The following FSTL5 variants were observed in gnomAD, a reference collection of about 807,000 sequenced individuals.
The protein encoded by FSTL5 is follistatin like 5, also known as follistatin-related protein 5.
Under a neutral mutation model 89.1 loss-of-function variants are expected in FSTL5, and 62 were observed. That is an observed-to-expected ratio of 0.70 (90% CI 0.57 to 0.86). The LOEUF is 0.86. Among genes scored for constraint, FSTL5 ranks in the 40% least tolerant of loss-of-function variants. FSTL5 has a pLI of 0.00. For synonymous variants in FSTL5, 383 were observed against 346.2 expected (o/e 1.11, Z -1.18); for missense variants, 1,057 against 1,001.6 (o/e 1.06, Z -0.75).
At chr4:161,918,433 T>A (rs1489583699) in intron 4 of FSTL5, among the ~76,000 whole-genome samples, 1 of 152,060 alleles carries the variant, frequency 6.6e-6, no homozygotes, top group Admixed American at 6.5e-5. Flanking sequence ...AGAAAGTATT[T>A]TTAAGTAACA....
At chr4:161,710,533 A>G (rs1405647330) in intron 6 of FSTL5, among the ~76,000 whole-genome samples, 1 of 151,998 alleles carries the variant, frequency 6.6e-6, no homozygotes, top group African/African-American at 2.4e-5. Context: ...TTTTTGTTGT[A>G]TTATCTGCAT....
intron 1 of FSTL5, among the ~76,000 whole-genome samples, chr4:162,111,825 G>A (rs554959012): frequency 3.3e-5 from 5 of 152,104 alleles, no homozygotes; most frequent in African/African-American, 7.2e-5. Flanking sequence ...TAGACTTACC[G>A]TTATTATAAT....
intron 7 of FSTL5, among the ~76,000 whole-genome samples, chr4:161,651,613 A>G (rs986420353): frequency 6.6e-6 from 1 of 152,208 alleles, no homozygotes; most frequent in Non-Finnish European, 1.5e-5. Context: ...TGTGCCTCAT[A>G]CAGTGTTAAC....
At chr4:161,724,993 G>A (rs1014184602) in intron 6 of FSTL5, among the ~76,000 whole-genome samples, 8 of 152,012 alleles carry the variant, frequency 5.3e-5, no homozygotes, top group African/African-American at 7.2e-5. Context: ...TTAAGAGATC[G>A]AGGCCAGCCT....
intron 12 of FSTL5, among the ~76,000 whole-genome samples, chr4:161,484,558 G>A (rs1729615765): frequency 6.6e-6 from 1 of 152,088 alleles, no homozygotes; most frequent in Non-Finnish European, 1.5e-5. Flanking sequence ...AGACTTTTGA[G>A]CAAGCTTTCT....
intron 3 of FSTL5, among the ~76,000 whole-genome samples, chr4:161,930,186 C>G (rs79590383): frequency 6.6e-6 from 1 of 151,760 alleles, no homozygotes; most frequent in Non-Finnish European, 1.5e-5. Context: ...AGTGTCTGAT[C>G]TGCAGCTACA....
chr4:161,722,183 C>A (rs1560808997), intron 6 of FSTL5, among the ~76,000 whole-genome samples: 1 of 152,062 alleles, frequency 6.6e-6, no homozygotes, highest in Non-Finnish European at 1.5e-5. Flanking sequence ...TATTTTCATC[C>A]TCTCAATGAT....
chr4:161,833,899 G>T (rs578175224), intron 4 of FSTL5, among the ~76,000 whole-genome samples: 142 of 152,016 alleles, frequency 9.3e-4, no homozygotes, highest in African/African-American at 3.3e-3. Flanking sequence ...TTAATATTGT[G>T]ATGTGTGAAT....
chr4:161,456,429 C>T (rs1007042759), intron 14 of FSTL5, among the ~76,000 whole-genome samples: 4 of 151,990 alleles, frequency 2.6e-5, no homozygotes, highest in Admixed American at 6.6e-5. Flanking sequence ...ATTTTGCTTT[C>T]GTATTTGACG....
In FSTL5 at chr4:162,163,815, A is replaced by C. The variant is rs1161793666; in HGVS notation, c.-217T>G. 1 of 152,266 alleles carries C rather than the reference A, an allele frequency of 6.6e-6. No individual in the cohort carries two copies. The highest frequency in any genetic ancestry group is 1.5e-5 in the Non-Finnish European group (1 of 68,074). The allele number at this position is 152,266 out of a possible 1,614,324, so 9.4% of individuals were successfully genotyped here. A position where few individuals can be genotyped will look rare whatever the true frequency, so the allele number is the denominator to read the frequency against. On this transcript the variant is annotated 5_prime_UTR_variant, in exon 1 of 16. Transcript: ENST00000306100. ...AACAGAGGACTCTCTCCCACGTCCG[A>C]TACCACACTCCTTTGTCAAGTTGAT...
intron 15 of FSTL5, among the ~76,000 whole-genome samples, chr4:161,398,951 A>G (rs1731092069): frequency 6.6e-6 from 1 of 152,136 alleles, no homozygotes. Flanking sequence ...ATTTATGTAA[A>G]TGACAAATGA....
At chr4:161,894,720 C>T (rs1733100681) in intron 4 of FSTL5, among the ~76,000 whole-genome samples, 1 of 152,154 alleles carries the variant, frequency 6.6e-6, no homozygotes, top group South Asian at 2.1e-4. Context: ...CAGCCTTGGC[C>T]TCCCAAAGTG....
chr4:161,897,575 C>CAAA (rs35785865), intron 4 of FSTL5, among the ~76,000 whole-genome samples: 5 of 81,436 alleles, frequency 6.1e-5, no homozygotes, highest in African/African-American at 2.2e-4. Context: ...AACTCCGTCT[C>CAAA]AAAAAAAAAA....
chr4:161,572,343 A>AAGAG (rs529266724), intron 8 of FSTL5, among the ~76,000 whole-genome samples: 10 of 124,530 alleles, frequency 8.0e-5, no homozygotes, highest in South Asian at 5.4e-4. Context: ...AAAAAAAAAA[A>AAGAG]AGAGAGAGAG....
In FSTL5 at chr4:161,814,094, A is replaced by G. The variant is rs2126842823; in HGVS notation, c.410-38020T>C. Among the ~76,000 whole-genome samples the G allele has an allele frequency of 1.3e-5, 2 of 152,266 alleles. 1 individual carries two copies. The highest frequency in any genetic ancestry group is 4.2e-4 in the South Asian group (2 of 4,818). ...ATGAAAGTAAGTGTGAGAGGGAAAGAGAGTAAAAAGGGGAAGAGAAAGATG... is the reference window on the plus strand; with the variant it reads ...ATGAAAGTAAGTGTGAGAGGGAAAGGGAGTAAAAAGGGGAAGAGAAAGATG... On this transcript the variant is annotated intron_variant, in intron 4 of 15. Coordinates refer to ENST00000306100, the MANE Select transcript of FSTL5 (RefSeq NM_020116.5).
chr4:161,924,116 G>T (rs529168762), intron 3 of FSTL5, among the ~76,000 whole-genome samples: 1 of 151,512 alleles, frequency 6.6e-6, no homozygotes, highest in African/African-American at 2.4e-5. Context: ...TTTTAATCAA[G>T]AACTTATATC....
Position 161,721,174 on chromosome 4 carries a change from A to G in FSTL5, c.727+38237T>C, listed in dbSNP as rs554368449. ...GCGCCTGTAGTCCCAGTTACTGGGG[A>G]GGCTGAGGCAGGAGAATGGCGTGAA... On this transcript the variant is annotated intron_variant, in intron 6 of 15. Coordinates refer to ENST00000306100, the MANE Select transcript of FSTL5 (RefSeq NM_020116.5). Among the ~76,000 whole-genome samples, 914 of 149,218 alleles carry G rather than the reference A, an allele frequency of 6.1e-3. 8 individuals carry two copies. The highest frequency in any genetic ancestry group is 0.021 in the African/African-American group (848 of 40,650).
At chr4:162,083,992 T>A (rs940615215) in intron 2 of FSTL5, among the ~76,000 whole-genome samples, 1 of 151,844 alleles carries the variant, frequency 6.6e-6, no homozygotes, top group East Asian at 1.9e-4. Context: ...TTAGACATTA[T>A]CTCAATGTGT....
chr4:162,097,169 C>T (rs1267017418), intron 2 of FSTL5, among the ~76,000 whole-genome samples: 4 of 151,668 alleles, frequency 2.6e-5, no homozygotes, highest in Non-Finnish European at 5.9e-5. Flanking sequence ...GAGTTATAGG[C>T]ATAATATATT....
Sources: allele counts gnomAD v4.1 joint callset (sites outside exome capture counted in the v4.1 genomes callset), GRCh38; gene constraint gnomAD v4.1.1; transcripts MANE v1.5; gene names NCBI Gene and HGNC (gene_info 2026-07-23, HGNC 2026-07-21).